The following CLNK variants were observed in gnomAD, a reference collection of about 807,000 sequenced individuals.
The protein encoded by CLNK is cytokine dependent hematopoietic cell linker, also known as cytokine-dependent hematopoietic cell linker.
In CLNK, 74 loss-of-function variants were observed where a neutral mutation model predicts 68.6. The ratio of observed to expected loss-of-function variants is 1.08; its 90% CI spans 0.89 to 1.31. The LOEUF is 1.31. Ranked by LOEUF, CLNK falls within the 50% of genes most tolerant of loss-of-function variation. CLNK has a pLI of 0.00. For synonymous variants in CLNK, 198 were observed against 172.2 expected, an observed-to-expected ratio of 1.15 and a Z score of -1.17; for missense variants, 553 against 515.3, an observed-to-expected ratio of 1.07 and a Z score of -0.71.
the CLNK span, among the ~76,000 whole-genome samples, chr4:10,711,462 A>G: frequency 6.6e-6 from 1 of 152,232 alleles, no homozygotes; most frequent in African/African-American, 2.4e-5. Context: ...ATATTAATCC[A>G]TAAAACAAAA....
intron 11 of CLNK, among the ~76,000 whole-genome samples, chr4:10,539,326 G>T (rs1302713849): frequency 1.3e-5 from 2 of 152,156 alleles, no homozygotes; most frequent in African/African-American, 2.4e-5. Flanking sequence ...GCCACAGAAG[G>T]AGGAATGACA....
intron 2 of CLNK, among the ~76,000 whole-genome samples, chr4:10,624,095 G>A (rs1278883825): frequency 2.0e-5 from 3 of 152,208 alleles, no homozygotes; most frequent in Admixed American, 6.5e-5. Flanking sequence ...AGGTGGAAAA[G>A]CAAATAGCCC....
intron 18 of CLNK, among the ~76,000 whole-genome samples, chr4:10,496,105 G>A (rs920004993): frequency 6.6e-6 from 1 of 152,046 alleles, no homozygotes; most frequent in African/African-American, 2.4e-5. Context: ...CTATGTGTCT[G>A]CCACTATTTA....
intron 16 of CLNK, among the ~76,000 whole-genome samples, chr4:10,511,817 G>C (rs1023704451): frequency 6.6e-6 from 1 of 152,092 alleles, no homozygotes; most frequent in Non-Finnish European, 1.5e-5. Context: ...ATAATGTTAT[G>C]AACATGGGTG....
intron 2 of CLNK, among the ~76,000 whole-genome samples, chr4:10,653,383 C>T (rs1001081916): frequency 2.5e-5 from 3 of 118,292 alleles, no homozygotes; most frequent in Admixed American, 1.6e-4. Flanking sequence ...GTAAAATAAA[C>T]TCTCAAAAAA....
At chr4:10,530,051 C>G (rs1433470569) in intron 12 of CLNK, among the ~76,000 whole-genome samples, 1 of 151,914 alleles carries the variant, frequency 6.6e-6, no homozygotes, top group African/African-American at 2.4e-5. Context: ...TTCACCTTCT[C>G]TGCCCCCTCC....
chr4:10,523,853 C>G (rs1718186450), intron 14 of CLNK: 1 of 253,866 alleles, frequency 3.9e-6, no homozygotes, highest in Non-Finnish European at 8.0e-6. Flanking sequence ...GGTGAGACCC[C>G]TTCTCTACAA....
intron 3 of CLNK, among the ~76,000 whole-genome samples, chr4:10,587,816 A>G (rs577097992): frequency 5.8e-4 from 88 of 152,174 alleles, no homozygotes; most frequent in Non-Finnish European, 1.1e-3. Flanking sequence ...CCCGGTCCCT[A>G]CTGTCTCCCC....
the CLNK span, among the ~76,000 whole-genome samples, chr4:10,699,268 C>CACACACACACCACGTATGTGTGTAT: frequency 9.7e-3 from 313 of 32,394 alleles, 35 homozygotes; most frequent in African/African-American, 0.024. Flanking sequence ...TGTGTATACA[C>CACACACACACCACGTATGTGTGTAT]ACACACACAC....
chr4:10,595,914 A>G (rs1721365872), intron 3 of CLNK, among the ~76,000 whole-genome samples: 1 of 152,212 alleles, frequency 6.6e-6, no homozygotes, highest in Non-Finnish European at 1.5e-5. Flanking sequence ...ACATTATTTA[A>G]TGAGAACCTA....
rs1184763644 is a variant in CLNK, at chr4:10,530,703, C to T, written c.630+1553G>A. ...AGACTGACCAAAGGGTTATGATTTG[C>T]GGTCATCGTCATCGTGAGCAGCACC... On this transcript the variant is annotated intron_variant, in intron 12 of 18. Coordinates refer to ENST00000226951, the MANE Select transcript of CLNK (RefSeq NM_052964.4). 3.3e-5 allele frequency among the ~76,000 whole-genome samples: 5 copies of T among 152,228 alleles called. 1 individual carries two copies. The highest frequency in any genetic ancestry group is 4.1e-4 in the South Asian group (2 of 4,820).
the CLNK span, among the ~76,000 whole-genome samples, chr4:10,693,572 C>A: frequency 1.3e-5 from 2 of 152,184 alleles, no homozygotes; most frequent in African/African-American, 4.8e-5. Flanking sequence ...CACAGCCCTG[C>A]CCACACCTTG....
chr4:10,547,165 T>C (rs1420282989), intron 8 of CLNK, among the ~76,000 whole-genome samples: 3 of 152,138 alleles, frequency 2.0e-5, no homozygotes, highest in Non-Finnish European at 2.9e-5. Context: ...ACACTTGAAT[T>C]ATAGCAGGTG....
At position 10,540,515 on chromosome 4, in the gene CLNK, G is replaced by A. The variant is rs760119206; in HGVS notation, c.581C>T (p.Pro194Leu). Residue 194 changes from proline to leucine, a missense_variant, in exon 11 of 19, where the codon CCA becomes CTA. Physicochemically the swap from Pro to Leu is moderately conservative, Grantham distance 98. Transcript: ENST00000226951. Reference sequence around the variant, plus strand: ...TCACCTGGGCATTCTCTGGACTTCTGGAAAGGTGTGTCTCTGAGATAAAGG... The same window carrying A: ...TCACCTGGGCATTCTCTGGACTTCTAGAAAGGTGTGTCTCTGAGATAAAGG... ...RPPLSQRHTF[P>L]EVQRMPSQIS... The A allele has an allele frequency of 2.5e-6, 4 of 1,613,110 alleles. No individual in the cohort carries two copies. Among genetic ancestry groups the A allele is most frequent in the Admixed American group, 1.7e-5 (1 of 60,014 alleles).
chr4:10,709,318 C>T, the CLNK span, among the ~76,000 whole-genome samples: 10 of 152,210 alleles, frequency 6.6e-5, no homozygotes, highest in African/African-American at 2.2e-4. Flanking sequence ...AAGGGCCAAA[C>T]GTGTCTGGGC....
chr4:10,493,868 A>G (rs1030085882), intron 18 of CLNK, among the ~76,000 whole-genome samples: 3 of 152,226 alleles, frequency 2.0e-5, no homozygotes, highest in Non-Finnish European at 2.9e-5. Context: ...CAGTTATTCT[A>G]TGAACAGTGA....
At chr4:10,647,048 T>C (rs920335293) in intron 2 of CLNK, among the ~76,000 whole-genome samples, 1 of 152,168 alleles carries the variant, frequency 6.6e-6, no homozygotes, top group Non-Finnish European at 1.5e-5. Flanking sequence ...GGCGATGCTG[T>C]CATTTGTGTG....
At chr4:10,654,121 C>T (rs1324027625) in intron 2 of CLNK, among the ~76,000 whole-genome samples, 2 of 152,026 alleles carry the variant, frequency 1.3e-5, no homozygotes, top group Non-Finnish European at 2.9e-5. Flanking sequence ...AAATGTGATG[C>T]TAACCAGCAA....
chr4:10,729,768 A>G, the CLNK span, among the ~76,000 whole-genome samples: 1 of 152,364 alleles, frequency 6.6e-6, no homozygotes, highest in Middle Eastern at 3.4e-3. Flanking sequence ...AGTTTGAAAC[A>G]TATAATTTAT....
Sources: allele counts gnomAD v4.1 joint callset (sites outside exome capture counted in the v4.1 genomes callset), GRCh38; gene constraint gnomAD v4.1.1; transcripts MANE v1.5; gene names NCBI Gene and HGNC (gene_info 2026-07-23, HGNC 2026-07-21).